ARHGEF17: variants seen among roughly 807,000 people sequenced by gnomAD.
The protein encoded by ARHGEF17 is 164 kDa Rho-specific guanine-nucleotide exchange factor.
In ARHGEF17, 80 loss-of-function variants were observed where a neutral mutation model predicts 174.0. That is an observed-to-expected ratio of 0.46 (90% CI 0.38 to 0.55). The LOEUF is 0.55. Ranked by LOEUF, ARHGEF17 falls within the 20% of genes least tolerant of loss-of-function variation. The probability of loss-of-function intolerance (pLI) is 0.00; values close to 1 mark genes in which losing one functional copy is unlikely to be tolerated. For synonymous variants in ARHGEF17, 1,311 were observed against 1,189.1 expected, an observed-to-expected ratio of 1.10 and a Z score of -2.11; for missense variants, 2,886 against 2,839.7, an observed-to-expected ratio of 1.02 and a Z score of -0.37.
Position 73,311,364 on chromosome 11 carries a change from T to C in ARHGEF17, c.2726T>C (p.Leu909Pro). The C allele has an allele frequency of 1.2e-6, 2 of 1,613,306 alleles. No homozygotes were observed. Among genetic ancestry groups the C allele is most frequent in the Non-Finnish European group, 1.7e-6 (2 of 1,180,026 alleles). Residue 909 changes from leucine (L) to proline (P), a missense_variant, in exon 1 of 21, where the codon CTG (leucine) becomes CCG (proline). Leu to Pro is a moderately conservative substitution (Grantham distance 98). Transcript: ENST00000263674. The stretch of plus-strand genomic sequence containing the variant: ...CGAAACTTTCACCTTGACCCCAAGC[T>C]GGCTGACATTCTGTCCCCGAGGCTA... Reference protein sequence around the residue: ...AHRNFHLDPKLADILSPRLIR... With the variant: ...AHRNFHLDPKPADILSPRLIR...
Position 73,365,531 on chromosome 11 carries a change from G to A in ARHGEF17, c.5692G>A (p.Asp1898Asn), listed in dbSNP as rs143233500. The change falls in exon 19 of 21, where the codon GAC becomes AAC. Residue 1898 changes from aspartate (D) to asparagine (N), a missense_variant. Transcript: ENST00000263674. This position sits in a 1 kb window ranked among gnomAD's most constrained non-coding sequence, Gnocchi z 4.9. ...PDTFEQLAEVDVTPPVHRMLA... is the reference protein window; with the variant it reads ...PDTFEQLAEVNVTPPVHRMLA... ...CACCTTTGAGCAGCTGGCAGAAGTA[G>A]ACGTCACTCCTCCCGTGCACAGGAT... is the stretch of plus-strand genomic sequence containing the variant. 5.6e-6 allele frequency: 9 copies of A among 1,614,168 alleles called. No homozygotes were observed. The African/African-American group carries it at 1.1e-4, about 19-fold the overall frequency.
At chr11:73,348,287 T>C (rs1404452057) in intron 2 of ARHGEF17, among the ~76,000 whole-genome samples, 3 of 152,172 alleles carry the variant, frequency 2.0e-5, no homozygotes, top group Non-Finnish European at 4.4e-5. Context: ...TAGTGTTCTC[T>C]GTGCAGGGGC....
In ARHGEF17 at chr11:73,309,917, C is replaced by T; in HGVS notation, c.1279C>T (p.Leu427Phe). ...CCCTAGCTTTGGAGCTGGGGAAGGG[C>T]TCCTGCGGTCCCAGGCTCGAACCCG... ...RSPSFGAGEGLLRSQARTRAK... is the reference protein window; with the variant it reads ...RSPSFGAGEGFLRSQARTRAK... The change falls in exon 1 of 21, where the codon CTC (leucine) becomes TTC (phenylalanine). Residue 427 changes from leucine (L) to phenylalanine (F), a missense_variant. Transcript: ENST00000263674. 6.2e-7 allele frequency: 1 copy of T among 1,613,354 alleles called. No individual in the cohort carries two copies. The highest frequency in any genetic ancestry group is 8.5e-7 in the Non-Finnish European group (1 of 1,179,788).
intron 1 of ARHGEF17, chr11:73,343,211 AGCC>A (rs1865402899): frequency 5.0e-6 from 2 of 396,938 alleles, no homozygotes; most frequent in Non-Finnish European, 8.9e-6. Context: ...ATATGGGCCC[AGCC>A]GCCGCCTCCG....
chr11:73,329,945 C>T (rs1865179351), intron 1 of ARHGEF17, among the ~76,000 whole-genome samples: 1 of 152,196 alleles, frequency 6.6e-6, no homozygotes, highest in South Asian at 2.1e-4. Flanking sequence ...CACAATCTCA[C>T]CAACTCAGAC....
chr11:73,346,161 C>T (rs1038961922), intron 1 of ARHGEF17, among the ~76,000 whole-genome samples: 1 of 152,104 alleles, frequency 6.6e-6, no homozygotes, highest in Non-Finnish European at 1.5e-5. Flanking sequence ...TCTGGGTTTC[C>T]TTTTTCCCCT....
chr11:73,330,288 CTTTTA>C (rs1488207756), intron 1 of ARHGEF17, among the ~76,000 whole-genome samples: 3 of 152,178 alleles, frequency 2.0e-5, no homozygotes, highest in African/African-American at 7.2e-5. Context: ...CTTTATCAAG[CTTTTA>C]TTTTATTGCT....
intron 1 of ARHGEF17, among the ~76,000 whole-genome samples, chr11:73,314,909 T>G (rs1446155036): frequency 1.3e-5 from 2 of 152,160 alleles, no homozygotes; most frequent in East Asian, 3.9e-4. Flanking sequence ...ATGCCACAAC[T>G]GTAGCCCACA....
chr11:73,359,979 G>A (rs1651700463), intron 10 of ARHGEF17, 27 bp downstream of exon 10: 5 of 1,564,932 alleles, frequency 3.2e-6, no homozygotes, highest in Admixed American at 3.8e-5. Context: ...TGACACTGGG[G>A]AGCCAGAGGG....
chr11:73,355,812 G>A (rs1865628084), intron 4 of ARHGEF17, 49 bp from the exon 5 acceptor site: 2 of 1,610,058 alleles, frequency 1.2e-6, no homozygotes, highest in Non-Finnish European at 1.7e-6. Flanking sequence ...CCTGGACATA[G>A]TCTTCCTGGC....
intron 1 of ARHGEF17, among the ~76,000 whole-genome samples, chr11:73,317,551 C>G (rs935978173): frequency 6.6e-6 from 1 of 152,204 alleles, no homozygotes; most frequent in Non-Finnish European, 1.5e-5. Flanking sequence ...CAATGTTTCC[C>G]AGAAAGGCTT....
chr11:73,353,711 A>G lies in ARHGEF17; in HGVS notation c.3453+699A>G, dbSNP rs547355833. On this transcript the variant is annotated intron_variant, in intron 3 of 20. Transcript: ENST00000263674. ...CATACTGCCTCTCACCACAGGCCAG[A>G]TCTCCACTGTACACTTGTCAAGCTC... Among the ~76,000 whole-genome samples, 3 of 152,298 alleles carry G rather than the reference A, an allele frequency of 2.0e-5. No individual in the cohort carries two copies. The East Asian group carries it at 5.8e-4, about 29-fold the overall frequency.
intron 1 of ARHGEF17, among the ~76,000 whole-genome samples, chr11:73,323,771 C>G (rs1186736844): frequency 6.6e-6 from 1 of 151,944 alleles, no homozygotes; most frequent in Non-Finnish European, 1.5e-5. Context: ...CGGGCCTGGC[C>G]CCAAGGCTGG....
At chr11:73,359,007 C>G (rs979709004) in intron 9 of ARHGEF17, among the ~76,000 whole-genome samples, 1 of 152,186 alleles carries the variant, frequency 6.6e-6, no homozygotes, top group Non-Finnish European at 1.5e-5. Flanking sequence ...GCCTCTCACC[C>G]CCACGGGGTT....
Position 73,364,328 on chromosome 11 carries a change from A to G in ARHGEF17, c.5401+89A>G, listed in dbSNP as rs1021307236. On this transcript the variant is annotated intron_variant, in intron 17 of 20. Transcript: ENST00000263674. Reference sequence around the variant, plus strand: ...GGAGATGTGGCTTTGGGCAACTCCCAGGCCCTCTGTGGGCCTTGGTTTCTT... The same window carrying G: ...GGAGATGTGGCTTTGGGCAACTCCCGGGCCCTCTGTGGGCCTTGGTTTCTT... 1.3e-5 allele frequency: 21 copies of G among 1,602,146 alleles called. No homozygotes were observed. In the East Asian group the frequency reaches 4.7e-4, roughly 36 times the overall value.
chr11:73,327,778 T>G (rs1355316557), intron 1 of ARHGEF17, among the ~76,000 whole-genome samples: 1 of 152,158 alleles, frequency 6.6e-6, no homozygotes, highest in African/African-American at 2.4e-5. Flanking sequence ...ATTGAGACTC[T>G]CGGGGGACAA....
In ARHGEF17 at chr11:73,311,742, C is replaced by T. The variant is rs145994191; in HGVS notation, c.3104C>T (p.Pro1035Leu). The T allele has an allele frequency of 3.1e-5, 50 of 1,613,204 alleles. 3 individuals are homozygous for T. The South Asian group carries it at 4.6e-4, about 15-fold the overall frequency. ...VDMPCLPLAA[P>L]PSAEAKPPEA... is the part of the protein sequence containing the mutation. ...ATGCCCTGCTTGCCTCTGGCTGCACCGCCCTCTGCTGAGGCCAAGCCCCCT... is the reference window on the plus strand; with the variant it reads ...ATGCCCTGCTTGCCTCTGGCTGCACTGCCCTCTGCTGAGGCCAAGCCCCCT... The change falls in exon 1 of 21, where the codon CCG (proline) becomes CTG (leucine). Residue 1035 changes from proline (P) to leucine (L), a missense_variant. Physicochemically the swap from Pro to Leu is moderately conservative, Grantham distance 98 (BLOSUM62 -3). This residue lies in a region of ARHGEF17 where 1,728 missense variants were observed against 1,461.2 expected (regional missense o/e 1.18). Coordinates refer to ENST00000263674, the MANE Select transcript of ARHGEF17 (RefSeq NM_014786.4).
At chr11:73,337,652 T>C (rs1865307833) in intron 1 of ARHGEF17, among the ~76,000 whole-genome samples, 1 of 152,106 alleles carries the variant, frequency 6.6e-6, no homozygotes, top group Non-Finnish European at 1.5e-5. Flanking sequence ...ACTCCTGGGA[T>C]CAAGTGATCC....
rs1245237652 is a variant in ARHGEF17 at position 73,365,843 on chromosome 11, G to C, written c.5891G>C (p.Gly1964Ala). Residue 1964 changes from glycine (G) to alanine (A), a missense_variant, in exon 20 of 21, where the codon GGC becomes GCC. Gly to Ala is a moderately conservative substitution (Grantham distance 60, BLOSUM62 0). Coordinates refer to ENST00000263674, the MANE Select transcript of ARHGEF17 (RefSeq NM_014786.4). The surrounding 1 kb of genome is among the most constrained non-coding windows in gnomAD (Gnocchi z 4.9). ...SCPRAPLSPT[G>A]LGQGHTGHVR... ...CCACGGGCACCACTCAGTCCCACAGGCCTCGGCCAGGGACACACCGGCCAC... is the reference window on the plus strand; with the variant it reads ...CCACGGGCACCACTCAGTCCCACAGCCCTCGGCCAGGGACACACCGGCCAC... The C allele has an allele frequency of 1.2e-6, 2 of 1,612,906 alleles. No individual in the cohort carries two copies. The highest frequency in any genetic ancestry group is 1.7e-6 in the Non-Finnish European group (2 of 1,180,028).
Sources: allele counts gnomAD v4.1 joint callset (sites outside exome capture counted in the v4.1 genomes callset), GRCh38; gene constraint gnomAD v4.1.1; regional missense constraint gnomAD v4.1.1; non-coding constraint Gnocchi (gnomAD v3.1); transcripts MANE v1.5; gene names NCBI Gene and HGNC (gene_info 2026-07-23, HGNC 2026-07-21).